ITGA4: variants seen among roughly 807,000 people sequenced by gnomAD.
The protein encoded by ITGA4 is integrin subunit alpha 4, also known as integrin alpha-4.
A neutral mutation model predicts 133.6 loss-of-function variants in ITGA4; 63 were observed. The ratio of observed to expected loss-of-function variants is 0.47; its 90% CI spans 0.38 to 0.58. The LOEUF is 0.58. Among genes scored for constraint, ITGA4 ranks in the 20% least tolerant of loss-of-function variants. The pLI is 0.00. For missense variants in ITGA4, 1,076 were observed against 1,252.7 expected, an observed-to-expected ratio of 0.86 and a Z score of 2.13; for synonymous variants, 483 against 438.0, an observed-to-expected ratio of 1.10 and a Z score of -1.28.
At chr2:181,521,514 C>G (rs1372177004) in intron 17 of ITGA4, among the ~76,000 whole-genome samples, 1 of 152,192 alleles carries the variant, frequency 6.6e-6, no homozygotes, top group Non-Finnish European at 1.5e-5. Context: ...GAACTGCTGG[C>G]AGTGCCAGGA....
At chr2:181,534,744 G>A (rs1281780455) in intron 26 of ITGA4, 72 bp from the exon 27 acceptor site, 27 of 1,328,236 alleles carry the variant, frequency 2.0e-5, no homozygotes, top group Admixed American at 2.6e-5. Flanking sequence ...GGGCTTTAAA[G>A]GAAATATAAG....
intron 23 of ITGA4, among the ~76,000 whole-genome samples, chr2:181,530,206 T>C (rs554856318): frequency 1.3e-5 from 2 of 152,260 alleles, no homozygotes; most frequent in African/African-American, 2.4e-5. Context: ...TATGGTGTTA[T>C]ATTGTTTCGC....
At chr2:181,493,102 C>G (rs1001406450) in intron 10 of ITGA4, 2 of 413,042 alleles carry the variant, frequency 4.8e-6, no homozygotes, top group African/African-American at 4.2e-5. Context: ...GTTACACTGC[C>G]TCTCAGATGC....
At chr2:181,480,689 C>T (rs1307112980) in intron 6 of ITGA4, among the ~76,000 whole-genome samples, 5 of 152,072 alleles carry the variant, frequency 3.3e-5, no homozygotes, top group Admixed American at 6.6e-5. Context: ...CCTTAAGCAC[C>T]AACTGAAAGC....
In ITGA4 at chr2:181,538,321, C is replaced by T. The variant is rs906604052; in HGVS notation, c.*2794C>T. The T allele has an allele frequency of 1.2e-6, 1 of 803,600 alleles. No individual in the cohort carries two copies. Among genetic ancestry groups the T allele is most frequent in the Non-Finnish European group, 2.1e-6 (1 of 465,550 alleles). The allele number at this position is 803,600 out of a possible 1,614,324, so 49.8% of individuals were successfully genotyped here. A position where few individuals can be genotyped will look rare whatever the true frequency, so the allele number is the denominator to read the frequency against. ...CACCTAATAAGTATGGTACACAATG[C>T]CAATGCCAAATACAAATTGATAACA... On this transcript the variant is annotated 3_prime_UTR_variant, in exon 28 of 28. Coordinates refer to ENST00000397033, the MANE Select transcript of ITGA4 (RefSeq NM_000885.6).
intron 2 of ITGA4, among the ~76,000 whole-genome samples, chr2:181,471,332 AG>A (rs769832779): frequency 2.0e-5 from 3 of 152,232 alleles, no homozygotes; most frequent in Admixed American, 6.5e-5. Context: ...ACAAAGATAC[AG>A]TCCTGGGCAA....
At chr2:181,510,998 C>G (rs1291524185) in intron 16 of ITGA4, among the ~76,000 whole-genome samples, 1 of 152,050 alleles carries the variant, frequency 6.6e-6, no homozygotes, top group Non-Finnish European at 1.5e-5. Flanking sequence ...ACTCTAGTCA[C>G]TTCACACTTA....
At position 181,537,425 on chromosome 2, in the gene ITGA4, A is replaced by G. The variant is rs925295942; in HGVS notation, c.*1898A>G. 8.8e-6 allele frequency: 4 copies of G among 453,812 alleles called. No homozygotes were observed. The Admixed American group carries it at 9.4e-5, about 11-fold the overall frequency. The allele number at this position is 453,812 out of a possible 1,614,324, so 28.1% of individuals were successfully genotyped here. ...TCAAAATAGTATTTGTTATCAACTT[A>G]CTTTGTTACTTGTATCATGAATTTT... On this transcript the variant is annotated 3_prime_UTR_variant, in exon 28 of 28. Transcript: ENST00000397033.
intron 10 of ITGA4, chr2:181,486,217 A>T: frequency 2.3e-6 from 1 of 441,420 alleles, no homozygotes. Context: ...ACCTTATTTC[A>T]GTGATTCTAA....
chr2:181,533,393 T>A (rs1173697420), intron 25 of ITGA4, among the ~76,000 whole-genome samples: 1 of 152,246 alleles, frequency 6.6e-6, no homozygotes, highest in East Asian at 1.9e-4. Flanking sequence ...GCAAGTCATT[T>A]AACCTTTTGC....
At chr2:181,469,816 C>T (rs1284850264) in intron 2 of ITGA4, among the ~76,000 whole-genome samples, 1 of 150,220 alleles carries the variant, frequency 6.7e-6, no homozygotes, top group Non-Finnish European at 1.5e-5. Flanking sequence ...ATCACAAGAA[C>T]AAAAAACCAA....
At chr2:181,460,120 ATGAG>A (rs1559034486) in intron 2 of ITGA4, among the ~76,000 whole-genome samples, 1 of 152,238 alleles carries the variant, frequency 6.6e-6, no homozygotes, top group African/African-American at 2.4e-5. Flanking sequence ...AACCTGACTG[ATGAG>A]TAAGATAATT....
chr2:181,497,419 T>C (rs899086752), intron 14 of ITGA4, among the ~76,000 whole-genome samples: 2 of 152,190 alleles, frequency 1.3e-5, no homozygotes, highest in Non-Finnish European at 2.9e-5. Context: ...GGATTTTTTT[T>C]CACCTTTTTC....
At chr2:181,475,840 G>A in intron 4 of ITGA4, 1 of 1,603,972 alleles carries the variant, frequency 6.2e-7, no homozygotes, top group Non-Finnish European at 8.5e-7. Flanking sequence ...CAAGTACAGA[G>A]CTAGGACATA....
At chr2:181,491,808 ATG>A (rs1479485955) in intron 10 of ITGA4, among the ~76,000 whole-genome samples, 11 of 151,676 alleles carry the variant, frequency 7.3e-5, no homozygotes, top group South Asian at 2.1e-4. Flanking sequence ...CTGTTCCTGT[ATG>A]TATATATTCT....
intron 14 of ITGA4, among the ~76,000 whole-genome samples, chr2:181,497,976 A>C (rs974102246): frequency 6.6e-6 from 1 of 152,032 alleles, no homozygotes; most frequent in Non-Finnish European, 1.5e-5. Context: ...ATATTTATTG[A>C]GAGAATTTTT....
chr2:181,508,091 T>G (rs928322583), intron 15 of ITGA4, among the ~76,000 whole-genome samples: 1 of 152,074 alleles, frequency 6.6e-6, no homozygotes, highest in African/African-American at 2.4e-5. Context: ...AAAATATTTT[T>G]AAAAGAAAAT....
intron 16 of ITGA4, among the ~76,000 whole-genome samples, chr2:181,511,327 T>A (rs1288409822): frequency 6.6e-6 from 1 of 152,104 alleles, no homozygotes; most frequent in Non-Finnish European, 1.5e-5. Context: ...GTGCCATACT[T>A]ACACGTAATA....
In ITGA4 at chr2:181,538,906, T is replaced by G. The variant is rs911558062; in HGVS notation, c.*3379T>G. On this transcript the variant is annotated 3_prime_UTR_variant, in exon 28 of 28. Coordinates refer to ENST00000397033, the MANE Select transcript of ITGA4 (RefSeq NM_000885.6). ...AAATGCCTTGGGTCTACATAACAGT[T>G]GAATAAATGTAAAGTTGCTTTTTAT... 1.3e-5 allele frequency among the ~76,000 whole-genome samples: 2 copies of G among 152,204 alleles called. No individual in the cohort carries two copies. The highest frequency in any genetic ancestry group is 2.9e-5 in the Non-Finnish European group (2 of 68,024).
Sources: allele counts gnomAD v4.1 joint callset (sites outside exome capture counted in the v4.1 genomes callset), GRCh38; gene constraint gnomAD v4.1.1; transcripts MANE v1.5; gene names NCBI Gene and HGNC (gene_info 2026-07-23, HGNC 2026-07-21).